XRCC1: variants seen among roughly 807,000 people sequenced by gnomAD.
XRCC1 encodes the protein X-ray repair cross complementing 1.
In XRCC1, 52 loss-of-function variants were observed where a neutral mutation model predicts 83.3. The ratio of observed to expected loss-of-function variants is 0.62; its 90% confidence interval spans 0.50 to 0.79. XRCC1 has a LOEUF of 0.79. XRCC1 is among the 30% of genes least tolerant of loss of function. The pLI, the probability that XRCC1 is intolerant of heterozygous loss-of-function variation, is 0.00. For synonymous variants in XRCC1, 281 were observed against 312.6 expected (o/e 0.90, Z 1.07); for missense variants, 793 against 823.5 (o/e 0.96, Z 0.45).
chr19:43,545,976 G>A lies in XRCC1; in HGVS notation c.1482-19C>T, dbSNP rs1972504553. Reference sequence around the variant, plus strand: ...TGCCACCCTGGGGGTGCCAAGAGGAGTAGAGAGTGAGCATGCAGAGCAGCC... The same window carrying A: ...TGCCACCCTGGGGGTGCCAAGAGGAATAGAGAGTGAGCATGCAGAGCAGCC... On this transcript the variant is annotated intron_variant, in intron 13 of 16. Transcript: ENST00000262887. 6.2e-7 allele frequency: 1 copy of A among 1,613,806 alleles called. No homozygotes were observed. The highest frequency in any genetic ancestry group is 8.5e-7 in the Non-Finnish European group (1 of 1,179,848).
intron 2 of XRCC1, chr19:43,574,550 T>A (rs1972835330): frequency 4.9e-6 from 1 of 203,862 alleles, no homozygotes; most frequent in South Asian, 8.8e-5. Context: ...TTCTTTAAAG[T>A]GGAGTTGATT....
rs773163555 is a variant in XRCC1, at chr19:43,574,940, T to G, written c.114A>C (p.Ala38=). ...GGACCACAGAGATGGTCTTCTCGCC[T>G]GCCTTGGCTGCCCGCCATTTTCGGT... ...DTYRKWRAAK[A]GEKTISVVLQ... The change falls in exon 2 of 17, where the codon GCA becomes GCC. Residue 38 remains alanine (A), a synonymous_variant. Transcript: ENST00000262887. 8.1e-6 allele frequency: 13 copies of G among 1,614,196 alleles called. No individual in the cohort carries two copies. In the South Asian group the frequency reaches 1.4e-4, roughly 18 times the overall value.
Position 43,575,438 on chromosome 19 carries a change from G to A in XRCC1, c.21C>T (p.Arg7=). 2 of 1,612,428 alleles carry A rather than the reference G, an allele frequency of 1.2e-6. No individual in the cohort carries two copies. Among genetic ancestry groups the A allele is most frequent in the Non-Finnish European group, 1.7e-6 (2 of 1,178,822 alleles). ...CCTGGCTGCTGCAGGACACGACATG[G>A]CGGAGGCGGATCTCCGGCATGTCAA... MPEIRL[R]HVVSCSSQDS... The change falls in exon 1 of 17, where the codon CGC becomes CGT. Residue 7 remains arginine, a synonymous_variant. Coordinates refer to ENST00000262887, the MANE Select transcript of XRCC1 (RefSeq NM_006297.3).
intron 4 of XRCC1, 98 bp from the exon 5 acceptor site, chr19:43,553,781 C>T (rs1972607502): frequency 9.8e-7 from 1 of 1,019,350 alleles, no homozygotes; most frequent in African/African-American, 1.6e-5. Context: ...CTGGCTCCTT[C>T]CCTCTCATGA....
At position 43,548,534 on chromosome 19, in the gene XRCC1, C is replaced by T. The variant is rs529621697; in HGVS notation, c.1200-1557G>A. 3.9e-5 allele frequency among the ~76,000 whole-genome samples: 6 copies of T among 152,162 alleles called. No homozygotes were observed. In the South Asian group the frequency reaches 8.3e-4, roughly 21 times the overall value. ...CACTCAGGGTTAAATGGATTAAGGG[C>T]GGTGCAAGATGTGCTTTGTTAAACA... On this transcript the variant is annotated intron_variant, in intron 10 of 16. Coordinates refer to ENST00000262887, the MANE Select transcript of XRCC1 (RefSeq NM_006297.3).
chr19:43,568,831 C>T (rs991296507), intron 2 of XRCC1, among the ~76,000 whole-genome samples: 1 of 150,540 alleles, frequency 6.6e-6, no homozygotes. Flanking sequence ...TAGTGTATAC[C>T]CTTTTGCACC....
chr19:43,567,590 G>A (rs944813698), intron 2 of XRCC1, among the ~76,000 whole-genome samples: 5 of 152,180 alleles, frequency 3.3e-5, no homozygotes, highest in African/African-American at 1.2e-4. Context: ...GGGATTACAG[G>A]TGTGAGCTAC....
At chr19:43,543,546 A>C in intron 16 of XRCC1, 41 bp from the exon 17 acceptor site, 1 of 1,613,302 alleles carries the variant, frequency 6.2e-7, no homozygotes, top group South Asian at 1.1e-5. Context: ...TGTGTCATCG[A>C]GGGGAGGACG....
chr19:43,551,720 G>C, intron 9 of XRCC1, 33 bp from the exon 10 acceptor site: 1 of 1,555,936 alleles, frequency 6.4e-7, no homozygotes, highest in Non-Finnish European at 8.9e-7. Flanking sequence ...ATGCCAGTTA[G>C]GTGTGATCTG....
intron 2 of XRCC1, among the ~76,000 whole-genome samples, chr19:43,570,903 C>CA (rs1972801435): frequency 6.6e-6 from 1 of 152,198 alleles, no homozygotes; most frequent in African/African-American, 2.4e-5. Flanking sequence ...AGTAACCCCA[C>CA]AAATTAGTCA....
Position 43,545,928 on chromosome 19 carries a change from G to A in XRCC1, c.1511C>T (p.Pro504Leu). The part of the protein sequence containing the change: ...RVAEQKEHRL[P>L]PGQEENGEDP... Reference sequence around the variant, plus strand: ...TTCCCCATTCTCCTCCTGGCCAGGGGGCAGTCTGTGTTCCTTCTGCTCTGC... The same window carrying A: ...TTCCCCATTCTCCTCCTGGCCAGGGAGCAGTCTGTGTTCCTTCTGCTCTGC... Residue 504 changes from proline to leucine, a missense_variant, in exon 14 of 17, where the codon CCC (proline) becomes CTC (leucine). Coordinates refer to ENST00000262887, the MANE Select transcript of XRCC1 (RefSeq NM_006297.3). 2 of 1,613,954 alleles carry A rather than the reference G, an allele frequency of 1.2e-6. No homozygotes were observed. Among genetic ancestry groups the A allele is most frequent in the Non-Finnish European group, 1.7e-6 (2 of 1,179,914 alleles).
intron 15 of XRCC1, 67 bp from the exon 16 acceptor site, chr19:43,543,754 G>A: frequency 6.8e-7 from 1 of 1,480,758 alleles, no homozygotes; most frequent in East Asian, 2.3e-5. Context: ...CTACTCCCCA[G>A]CCACTCTCAA....
intron 2 of XRCC1, among the ~76,000 whole-genome samples, chr19:43,562,368 C>T (rs968864275): frequency 3.9e-5 from 6 of 152,100 alleles, no homozygotes; most frequent in Non-Finnish European, 7.4e-5. Context: ...CCATTTCCAA[C>T]CTGCACAACC....
intron 2 of XRCC1, among the ~76,000 whole-genome samples, chr19:43,573,928 G>A (rs1972829115): frequency 1.3e-5 from 2 of 152,036 alleles, no homozygotes; most frequent in South Asian, 2.1e-4. Context: ...AACTTCTTTG[G>A]GCCTCAGTTT....
At position 43,575,479 on chromosome 19, in the gene XRCC1, C is replaced by T; in HGVS notation, c.-21G>A. 1.2e-6 allele frequency: 2 copies of T among 1,611,700 alleles called. No homozygotes were observed. The highest frequency in any genetic ancestry group is 1.7e-6 in the Non-Finnish European group (2 of 1,178,444). On this transcript the variant is annotated 5_prime_UTR_variant, in exon 1 of 17. Transcript: ENST00000262887. Reference sequence around the variant, plus strand: ...GGCATGTCAACGTCGTGGGCTTCGCCTGGCCAGAAGGATGAGGTAGAGTAT... The same window carrying T: ...GGCATGTCAACGTCGTGGGCTTCGCTTGGCCAGAAGGATGAGGTAGAGTAT...
intron 2 of XRCC1, among the ~76,000 whole-genome samples, chr19:43,561,672 T>A (rs1205393363): frequency 6.6e-6 from 1 of 152,202 alleles, no homozygotes; most frequent in Non-Finnish European, 1.5e-5. Flanking sequence ...AGACAACTAT[T>A]TGTTGAAAGA....
chr19:43,563,488 G>C (rs1053615628), intron 2 of XRCC1, among the ~76,000 whole-genome samples: 1 of 152,102 alleles, frequency 6.6e-6, no homozygotes, highest in African/African-American at 2.4e-5. Flanking sequence ...GTGAGACTCT[G>C]TCTCAAAAAC....
At chr19:43,569,358 C>A (rs1003437471) in intron 2 of XRCC1, among the ~76,000 whole-genome samples, 2 of 151,936 alleles carry the variant, frequency 1.3e-5, no homozygotes, top group African/African-American at 4.8e-5. Flanking sequence ...TGCCTGTAGT[C>A]CCAACTACTG....
At chr19:43,574,132 G>A (rs920863195) in intron 2 of XRCC1, among the ~76,000 whole-genome samples, 1 of 151,810 alleles carries the variant, frequency 6.6e-6, no homozygotes, top group East Asian at 1.9e-4. Context: ...CTGGAGTGCA[G>A]TGGCACAATC....
Sources: allele counts gnomAD v4.1 joint callset (sites outside exome capture counted in the v4.1 genomes callset), GRCh38; gene constraint gnomAD v4.1.1; transcripts MANE v1.5; gene names NCBI Gene and HGNC (gene_info 2026-07-23, HGNC 2026-07-21).